The following JMJD4 variants were observed in gnomAD, a reference collection of about 807,000 sequenced individuals.
JMJD4 encodes the protein jumonji domain containing 4, also known as 2-oxoglutarate and iron-dependent oxygenase JMJD4.
Under a neutral mutation model 36.3 loss-of-function variants are expected in JMJD4, and 34 were observed. The ratio of observed to expected loss-of-function variants is 0.94; its 90% confidence interval spans 0.71 to 1.25. The LOEUF is 1.25. JMJD4 is among the 50% of genes most tolerant of loss of function. The pLI, the probability that JMJD4 is intolerant of heterozygous loss-of-function variation, is 0.00. For missense variants in JMJD4, 584 were observed against 559.1 expected (o/e 1.04, Z -0.45); for synonymous variants, 269 against 235.3 (o/e 1.14, Z -1.31).
rs1243299307 is a variant in JMJD4 at position 227,733,596 on chromosome 1, C to T, written c.640G>A (p.Gly214Arg). 1 of 1,607,702 alleles carries T rather than the reference C, an allele frequency of 6.2e-7. No individual in the cohort carries two copies. The highest frequency in any genetic ancestry group is 2.2e-5 in the East Asian group (1 of 44,882). ...CGGTCCCGCAGGGCCTCTTCCTGCCCTGGGGGGAAGAGGAGCCACTTCTTC... is the reference window on the plus strand; with the variant it reads ...CGGTCCCGCAGGGCCTCTTCCTGCCTTGGGGGGAAGAGGAGCCACTTCTTC... ...GRKKWLLFPP[G>R]QEEALRDRHG... Residue 214 changes from glycine (G) to arginine (R), a missense_variant, in exon 4 of 6, where the codon GGG becomes AGG. Transcript: ENST00000620518.
Position 227,734,043 on chromosome 1 carries a change from G to A in JMJD4, c.429-11C>T, listed in dbSNP as rs1553277124. 6 of 1,611,182 alleles carry A rather than the reference G, an allele frequency of 3.7e-6. No homozygotes were observed. Among genetic ancestry groups the A allele is most frequent in the Non-Finnish European group, 3.4e-6 (4 of 1,179,074 alleles). The stretch of plus-strand genomic sequence containing the variant: ...TCCACCGGAAAGTCCCTGTGAGGAG[G>A]GCGCAAGGGCACCACCGACAGCACG... On this transcript the variant is annotated splice_polypyrimidine_tract_variant and intron_variant, in intron 2 of 5. Transcript: ENST00000620518.
chr1:227,733,458 T>A lies in JMJD4; in HGVS notation c.778A>T (p.Met260Leu). Residue 260 changes from methionine to leucine, a missense_variant, in exon 4 of 6, where the codon ATG (methionine) becomes TTG (leucine). Transcript: ENST00000620518. ...TGCCAGCCACTGGGCACAAACACCA[T>A]CTCGCCCGCTTCCTGCGTGATCTCC... ...PLEITQEAGE[M>L]VFVPSGWHHQ... 1.3e-6 allele frequency: 2 copies of A among 1,589,504 alleles called. No individual in the cohort carries two copies. Among genetic ancestry groups the A allele is most frequent in the Non-Finnish European group, 1.7e-6 (2 of 1,168,074 alleles).
At position 227,731,230 on chromosome 1, in the gene JMJD4, A is replaced by G. The variant is rs1227024825; in HGVS notation, c.*1162T>C. ...TTCATTCGACAGACACATATGAAGCACCTACTGTGTAAAGCTGCCTTTGCA... is the reference window on the plus strand; with the variant it reads ...TTCATTCGACAGACACATATGAAGCGCCTACTGTGTAAAGCTGCCTTTGCA... On this transcript the variant is annotated 3_prime_UTR_variant, in exon 6 of 6. Transcript: ENST00000620518. 1.3e-5 allele frequency: 2 copies of G among 152,390 alleles called. No homozygotes were observed. Among genetic ancestry groups the G allele is most frequent in the East Asian group, 3.9e-4 (2 of 5,172 alleles). The allele number at this position is 152,390 out of a possible 1,614,324, so 9.4% of individuals were successfully genotyped here. A position where few individuals can be genotyped will look rare whatever the true frequency, so the allele number is the denominator to read the frequency against.
Position 227,733,820 on chromosome 1 carries a change from A to G in JMJD4, c.554+87T>C, listed in dbSNP as rs559505905. On this transcript the variant is annotated intron_variant, in intron 3 of 5. Transcript: ENST00000620518. Reference sequence around the variant, plus strand: ...GGCACCCACTGTGAGGCCTGTGCCAAGCAGCCCCCCTCCTGCCACCCTGGG... The same window carrying G: ...GGCACCCACTGTGAGGCCTGTGCCAGGCAGCCCCCCTCCTGCCACCCTGGG... The G allele has an allele frequency of 4.4e-5, 70 of 1,591,446 alleles. No individual in the cohort carries two copies. In the African/African-American group the frequency reaches 8.2e-4, roughly 19 times the overall value.
rs373064733 is a variant in JMJD4, at chr1:227,734,770, G to C, written c.309C>G (p.Asn103Lys). ...PVANCGVQEY[N>K]SNPKEHMTLR... ...GAGTCATGTGCTCTTTGGGGTTCGA[G>C]TTGTATTCCTGGACCCCACAGTTTG... The change falls in exon 2 of 6, where the codon AAC becomes AAG. Residue 103 changes from asparagine to lysine, a missense_variant. Physicochemically the swap from Asn to Lys is moderately conservative, Grantham distance 94. Coordinates refer to ENST00000620518, the MANE Select transcript of JMJD4 (RefSeq NM_023007.3). 1.9e-6 allele frequency: 3 copies of C among 1,614,146 alleles called. No homozygotes were observed. The Admixed American group carries it at 5.0e-5, about 27-fold the overall frequency.
intron 4 of JMJD4, 140 bp downstream of exon 4, chr1:227,733,274 G>A (rs761688620): frequency 2.9e-5 from 28 of 970,608 alleles, no homozygotes; most frequent in African/African-American, 2.3e-4. Context: ...AGGCCTCAGC[G>A]ACACCACCTT....
At position 227,732,556 on chromosome 1, in the gene JMJD4, C is replaced by T; in HGVS notation, c.1090G>A (p.Gly364Ser). Residue 364 changes from glycine (G) to serine (S), a missense_variant, in exon 6 of 6, where the codon GGT (glycine) becomes AGT (serine). Transcript: ENST00000620518. ...ACATCAAAGGCTGCCTGTTCGAAAC[C>T]CAACCCAGCACCGTCCTCAGCGGCT... is the stretch of plus-strand genomic sequence containing the variant. ...EAAAEDGAGL[G>S]FEQAAFDVGR... 1 of 1,613,502 alleles carries T rather than the reference C, an allele frequency of 6.2e-7. No homozygotes were observed. The highest frequency in any genetic ancestry group is 8.5e-7 in the Non-Finnish European group (1 of 1,180,042).
chr1:227,735,220 G>C lies in JMJD4; in HGVS notation c.54C>G (p.Val18=), dbSNP rs764942916. The C allele has an allele frequency of 1.4e-5, 22 of 1,593,066 alleles. No homozygotes were observed. In the Admixed American group the frequency reaches 1.6e-4, roughly 11 times the overall value. ...LADSHFRGLG[V]DVPGVGQAPG... ...GAGCCTGGCCGACGCCGGGGACATCGACCCCCAGGCCTCGGAAGTGGCTGT... is the reference window on the plus strand; with the variant it reads ...GAGCCTGGCCGACGCCGGGGACATCCACCCCCAGGCCTCGGAAGTGGCTGT... The change falls in exon 1 of 6, where the codon GTC becomes GTG. Residue 18 remains valine (V), a synonymous_variant. Transcript: ENST00000620518.
At chr1:227,734,372 A>AT (rs1660911961) in intron 2 of JMJD4, 1 of 351,238 alleles carries the variant, frequency 2.8e-6, no homozygotes, top group African/African-American at 2.2e-5. Context: ...AAAAAAAAAA[A>AT]AAAAAGCCGG....
chr1:227,733,336 C>A (rs1008461035), intron 4 of JMJD4, 78 bp downstream of exon 4: 10 of 1,454,526 alleles, frequency 6.9e-6, no homozygotes, highest in South Asian at 1.3e-5. Context: ...CCAGCTCTGG[C>A]TGGGAGAGTG....
In JMJD4 at chr1:227,734,697, A is replaced by G. The variant is rs768743789; in HGVS notation, c.382T>C (p.Ser128Pro). The change falls in exon 2 of 6, where the codon TCC becomes CCC. Residue 128 changes from serine (S) to proline (P), a missense_variant. Ser to Pro is a moderately conservative substitution (Grantham distance 74, BLOSUM62 -1). Transcript: ENST00000620518. ...AGGTAGAGACAGCCCCTGGGAGAGG[A>G]GTAGCCCGCCTGTATGTACTCTTTC... ...YWKEYIQAGYSSPRGCLYLKD... is the reference protein window; with the variant it reads ...YWKEYIQAGYPSPRGCLYLKD... 1.8e-5 allele frequency: 29 copies of G among 1,613,998 alleles called. No individual in the cohort carries two copies. The highest frequency in any genetic ancestry group is 1.6e-4 in the Middle Eastern group (1 of 6,064).
chr1:227,734,953 C>T, intron 1 of JMJD4, 59 bp downstream of exon 1: 1 of 1,501,006 alleles, frequency 6.7e-7, no homozygotes, highest in East Asian at 2.4e-5. Flanking sequence ...CGGGGGCCTC[C>T]CGGGCCTGGG....
chr1:227,734,890 T>C, intron 1 of JMJD4, 74 bp from the exon 2 acceptor site: 1 of 1,581,496 alleles, frequency 6.3e-7, no homozygotes, highest in Non-Finnish European at 8.6e-7. Context: ...AGAGGAACTC[T>C]CCAGGGGCCA....
chr1:227,735,047 C>T lies in JMJD4; in HGVS notation c.227G>A (p.Gly76Glu). The T allele has an allele frequency of 6.4e-7, 1 of 1,555,332 alleles. No individual in the cohort carries two copies. Among genetic ancestry groups the T allele is most frequent in the Non-Finnish European group, 8.7e-7 (1 of 1,151,340 alleles). ...TAGCAGGTGGTCGAAGTCGGGCCTC[C>T]CCGCGGGCGTCACCCAGCGCCGCCG... ...GSRRRWVTPA[G>E]RPDFDHLLRT... is the part of the protein sequence containing the mutation. Residue 76 changes from glycine to glutamate, a missense_variant, in exon 1 of 6, where the codon GGG becomes GAG. By Grantham distance (98) the Gly-to-Glu change is moderately conservative. Transcript: ENST00000620518.
In JMJD4 at chr1:227,732,514, C is replaced by T. The variant is rs754926802; in HGVS notation, c.1132G>A (p.Val378Met). ...GGGTGCGCAACCAAGGAGGCCAGCA[C>T]CTCTGTGATGCGCCCAACATCAAAG... is the stretch of plus-strand genomic sequence containing the variant. ...AAFDVGRITE[V>M]LASLVAHPDF... Residue 378 changes from valine to methionine, a missense_variant, in exon 6 of 6, where the codon GTG becomes ATG. Coordinates refer to ENST00000620518, the MANE Select transcript of JMJD4 (RefSeq NM_023007.3). 4 of 1,613,260 alleles carry T rather than the reference C, an allele frequency of 2.5e-6. No homozygotes were observed.
intron 3 of JMJD4, 30 bp downstream of exon 3, chr1:227,733,877 C>G (rs577778890): frequency 1.1e-5 from 18 of 1,611,450 alleles, no homozygotes; most frequent in Non-Finnish European, 1.4e-5. Context: ...CAGGCCCCTT[C>G]GGGTTCCACT....
rs770397913 is a variant in JMJD4, at chr1:227,733,696, G to C, written c.555-15C>G. 14 of 1,599,342 alleles carry C rather than the reference G, an allele frequency of 8.8e-6. No individual in the cohort carries two copies. The South Asian group carries it at 1.5e-4, about 18-fold the overall frequency. On this transcript the variant is annotated splice_polypyrimidine_tract_variant and intron_variant, in intron 3 of 5. Transcript: ENST00000620518. ...GGAACGGGGACCTGCGGCAGCAAGA[G>C]CGCCTGGTTCATGCCTGTAGGGGCT...
intron 3 of JMJD4, 72 bp downstream of exon 3, chr1:227,733,835 G>A (rs1558182809): frequency 4.4e-6 from 7 of 1,597,642 alleles, no homozygotes; most frequent in Non-Finnish European, 5.1e-6. Flanking sequence ...CCCCCCTCCT[G>A]CCACCCTGGG....
rs1660690749 is a variant in JMJD4 at position 227,732,144 on chromosome 1, C to T, written c.*248G>A. On this transcript the variant is annotated 3_prime_UTR_variant, in exon 6 of 6. Transcript: ENST00000620518. ...GGCAGGGCCCCCAAAAGAGCCAGGT[C>T]CTGGCACCATCTCCGAGCTCCCAGC... is the stretch of plus-strand genomic sequence containing the variant. 2 of 580,126 alleles carry T rather than the reference C, an allele frequency of 3.4e-6. No homozygotes were observed. Among genetic ancestry groups the T allele is most frequent in the Non-Finnish European group, 6.1e-6 (2 of 325,356 alleles). 35.9% of individuals were successfully genotyped at this position (580,126 alleles called of 1,614,324 possible). A position where few individuals can be genotyped will look rare whatever the true frequency, so the allele number is the denominator to read the frequency against.
Sources: gnomAD v4.1 joint callset for allele counts on GRCh38, gnomAD v4.1.1 for gene constraint, MANE v1.5 for transcripts, NCBI Gene and HGNC (gene_info 2026-07-23, HGNC 2026-07-21) for gene names.